POLA1: variants seen among roughly 807,000 people sequenced by gnomAD.
POLA1 encodes the protein DNA polymerase alpha catalytic subunit.
A neutral mutation model predicts 124.0 loss-of-function variants in POLA1; 15 were observed. The ratio of observed to expected loss-of-function variants is 0.12; its 90% CI spans 0.08 to 0.19. The LOEUF (loss-of-function observed/expected upper bound fraction) is 0.19. Ranked by LOEUF, POLA1 falls within the 10% of genes least tolerant of loss-of-function variation. The probability of loss-of-function intolerance (pLI) is 1.00; values close to 1 mark genes in which losing one functional copy is unlikely to be tolerated. For synonymous variants in POLA1, 408 were observed against 389.4 expected (o/e 1.05, Z -0.56); for missense variants, 886 against 1,103.4 (o/e 0.80, Z 2.79).
chrX:24,777,883 A>C (rs1207461609), intron 26 of POLA1, among the ~76,000 whole-genome samples: 2 of 112,474 alleles, frequency 1.8e-5, no homozygotes, highest in Admixed American at 1.9e-4. Flanking sequence ...TAATATAAAG[A>C]GGAAGTGAAA....
At position 24,910,229 on chromosome X, in the gene POLA1, TA is replaced by T. The variant is rs2047428689; in HGVS notation, c.4165-20223del. ...TTTTCCTAATTGAATACCCTTTATT[TA>T]TTTCCTTCTCCTGTCTAATTGCCCT... On this transcript the variant is annotated intron_variant, in intron 35 of 36. Transcript: ENST00000379068. 3.0e-5 allele frequency among the ~76,000 whole-genome samples: 3 copies of T among 100,220 alleles called. No homozygotes were observed. In the South Asian group the frequency reaches 1.5e-3, roughly 51 times the overall value. 87.0% of individuals were successfully genotyped at this position (100,220 alleles called of 115,157 possible).
chrX:24,916,619 G>T (rs1044512994), intron 35 of POLA1, among the ~76,000 whole-genome samples: 19 of 111,373 alleles, frequency 1.7e-4, no homozygotes, highest in Admixed American at 6.6e-4. Flanking sequence ...AACATCAATG[G>T]GATGTATTAT....
chrX:24,699,511 C>G lies in POLA1; in HGVS notation c.130C>G (p.Leu44Val). The change falls in exon 2 of 37, where the codon CTG becomes GTG. Residue 44 changes from leucine to valine, a missense_variant. Physicochemically the swap from Leu to Val is conservative, Grantham distance 32 (BLOSUM62 1). This residue lies in a region of POLA1 where 49 missense variants were observed against 39.2 expected (regional missense o/e 1.25). Transcript: ENST00000379068. ...KKGRQEALER[L>V]KKAKAGEKYK... is the part of the protein sequence containing the mutation. ...GGGGCGCCAAGAAGCCCTAGAAAGA[C>G]TGAAAAAGGCTAAAGCTGGTGAGAA... 8.5e-7 allele frequency: 1 copy of G among 1,181,608 alleles called. No individual in the cohort carries two copies. Among genetic ancestry groups the G allele is most frequent in the Middle Eastern group, 2.4e-4 (1 of 4,222 alleles).
intron 34 of POLA1, among the ~76,000 whole-genome samples, chrX:24,850,488 A>G (rs1337441140): frequency 2.7e-5 from 3 of 112,060 alleles, no homozygotes; most frequent in African/African-American, 9.7e-5. Context: ...ATTTACCTGT[A>G]TTTTCTACAT....
chrX:24,922,257 T>C (rs1349822984), intron 35 of POLA1, among the ~76,000 whole-genome samples: 1 of 108,263 alleles, frequency 9.2e-6, no homozygotes, highest in Non-Finnish European at 1.9e-5. Context: ...TTTTTTTTTT[T>C]TGTAGAGATA....
intron 1 of POLA1, among the ~76,000 whole-genome samples, chrX:24,697,650 C>T (rs1928109134): frequency 8.9e-6 from 1 of 111,914 alleles, no homozygotes; most frequent in Non-Finnish European, 1.9e-5. Context: ...GCATTTGGTA[C>T]ATGTTCTTTA....
intron 36 of POLA1, among the ~76,000 whole-genome samples, chrX:24,954,237 G>A (rs1254129928): frequency 1.8e-5 from 2 of 112,134 alleles, no homozygotes; most frequent in Non-Finnish European, 3.8e-5. Context: ...TGTGAGGGTT[G>A]AATTTTTAGT....
intron 24 of POLA1, among the ~76,000 whole-genome samples, chrX:24,746,749 A>C (rs886699859): frequency 1.8e-5 from 2 of 112,427 alleles, no homozygotes; most frequent in African/African-American, 6.5e-5. Context: ...ATTGGAAAAC[A>C]GTAGGTCCCT....
At chrX:24,721,574 T>C (rs1183930937) in intron 10 of POLA1, among the ~76,000 whole-genome samples, 1 of 111,685 alleles carries the variant, frequency 9.0e-6, no homozygotes, top group African/African-American at 3.2e-5. Context: ...AGATTCTAAG[T>C]AAGTCAGTTG....
intron 35 of POLA1, among the ~76,000 whole-genome samples, chrX:24,892,386 C>G (rs974311093): frequency 2.7e-5 from 3 of 111,296 alleles, no homozygotes; most frequent in Non-Finnish European, 5.7e-5. Context: ...CAAACATGTA[C>G]ACGTACCCTC....
chrX:24,944,788 A>T (rs2047942721), intron 36 of POLA1, among the ~76,000 whole-genome samples: 1 of 112,255 alleles, frequency 8.9e-6, no homozygotes, highest in African/African-American at 3.2e-5. Context: ...GAAAGATAAT[A>T]TTTGTCTTTG....
intron 5 of POLA1, among the ~76,000 whole-genome samples, chrX:24,714,897 T>G (rs931290119): frequency 1.8e-5 from 2 of 112,010 alleles, no homozygotes; most frequent in African/African-American, 6.5e-5. Flanking sequence ...GTGTTTAATT[T>G]TAGTGAGTAG....
intron 26 of POLA1, among the ~76,000 whole-genome samples, chrX:24,749,313 G>T (rs1166061661): frequency 9.6e-6 from 1 of 104,019 alleles, no homozygotes; most frequent in East Asian, 3.0e-4. Flanking sequence ...GGTTGGGGAC[G>T]ACATGGGTTG....
intron 26 of POLA1, among the ~76,000 whole-genome samples, chrX:24,801,321 C>T (rs1357933131): frequency 8.9e-6 from 1 of 111,978 alleles, no homozygotes; most frequent in African/African-American, 3.2e-5. Context: ...TGTGGAGATG[C>T]ACTTACTGAT....
chrX:24,866,282 A>G (rs1440321150), intron 34 of POLA1, among the ~76,000 whole-genome samples: 1 of 111,822 alleles, frequency 8.9e-6, no homozygotes, highest in Non-Finnish European at 1.9e-5. Flanking sequence ...TTTTTGTTAT[A>G]TTAGTGGCCC....
At chrX:24,920,414 A>G (rs2047600015) in intron 35 of POLA1, among the ~76,000 whole-genome samples, 1 of 110,953 alleles carries the variant, frequency 9.0e-6, no homozygotes, top group African/African-American at 3.3e-5. Context: ...CTATAACCTG[A>G]ATGTGACATC....
At chrX:24,723,826 G>A (rs1049222746) in intron 11 of POLA1, among the ~76,000 whole-genome samples, 27 of 111,968 alleles carry the variant, frequency 2.4e-4, no homozygotes, top group Admixed American at 1.9e-3. Flanking sequence ...GATTACAGGC[G>A]CCTGCCACCA....
intron 10 of POLA1, among the ~76,000 whole-genome samples, chrX:24,722,723 C>CTT (rs1229772216): frequency 9.9e-6 from 1 of 100,679 alleles, no homozygotes; most frequent in Non-Finnish European, 1.9e-5. Context: ...GTTTGTTTCT[C>CTT]TTTTTTTTTT....
chrX:24,899,531 A>G (rs1327882289), intron 35 of POLA1, among the ~76,000 whole-genome samples: 2 of 111,744 alleles, frequency 1.8e-5, no homozygotes, highest in Admixed American at 1.9e-4. Flanking sequence ...ACTCAAGCCT[A>G]AAAATGCACC....
Sources: gnomAD v4.1 joint callset for allele counts (sites outside exome capture counted in the v4.1 genomes callset) on GRCh38, gnomAD v4.1.1 for gene constraint, gnomAD v4.1.1 regional missense constraint, MANE v1.5 for transcripts, NCBI Gene and HGNC (gene_info 2026-07-23, HGNC 2026-07-21) for gene names.